The following ZC3H12B variants were observed in gnomAD, a reference collection of about 807,000 sequenced individuals.
ZC3H12B encodes probable ribonuclease ZC3H12B.
In ZC3H12B, 7 loss-of-function variants were observed where a neutral mutation model predicts 43.9. That is an observed-to-expected ratio of 0.16 (90% confidence interval 0.09 to 0.30). The LOEUF (loss-of-function observed/expected upper bound fraction) is 0.30. Ranked by LOEUF, ZC3H12B falls within the 10% of genes least tolerant of loss-of-function variation. ZC3H12B has a pLI of 1.00. For missense variants in ZC3H12B, 475 were observed against 670.2 expected, an observed-to-expected ratio of 0.71 and a Z score of 3.22; for synonymous variants, 222 against 241.7, an observed-to-expected ratio of 0.92 and a Z score of 0.76.
chrX:65,040,164 G>A, the ZC3H12B span, among the ~76,000 whole-genome samples: 274 of 111,090 alleles, frequency 2.5e-3, 1 homozygote, highest in African/African-American at 8.7e-3. Flanking sequence ...TGACATATGG[G>A]GGTGTGACAT....
At chrX:65,182,092 G>A in the ZC3H12B span, among the ~76,000 whole-genome samples, 1 of 111,668 alleles carries the variant, frequency 9.0e-6, no homozygotes, top group East Asian at 2.8e-4. Flanking sequence ...ATGAGTTCAT[G>A]TCTTTTGCCT....
At chrX:65,404,355 T>C in intron 3 of ZC3H12B, among the ~76,000 whole-genome samples, 1 of 89,189 alleles carries the variant, frequency 1.1e-5, no homozygotes, top group Non-Finnish European at 1.9e-5. Flanking sequence ...CAGGAGTAAG[T>C]CTTTATCAAT....
the ZC3H12B span, among the ~76,000 whole-genome samples, chrX:65,140,245 C>T: frequency 8.1e-5 from 9 of 110,565 alleles, no homozygotes; most frequent in African/African-American, 1.3e-4. Flanking sequence ...TCATATATGG[C>T]CTTTATTGTC....
chrX:65,039,637 A>G, the ZC3H12B span, among the ~76,000 whole-genome samples: 1 of 111,175 alleles, frequency 9.0e-6, no homozygotes, highest in Middle Eastern at 4.6e-3. Context: ...AAAGATATCT[A>G]TCTTTTTATA....
At chrX:65,389,290 C>T (rs2066577267) in intron 2 of ZC3H12B, among the ~76,000 whole-genome samples, 2 of 112,163 alleles carry the variant, frequency 1.8e-5, no homozygotes, top group South Asian at 3.7e-4. Flanking sequence ...CCACCCAGTT[C>T]GCGCTTCCCA....
chrX:65,273,132 T>C, the ZC3H12B span: 3 of 112,648 alleles, frequency 2.7e-5, no homozygotes, highest in Admixed American at 1.9e-4. Context: ...ATATTTTCTC[T>C]ATGAATTTCC....
the ZC3H12B span, among the ~76,000 whole-genome samples, chrX:65,196,367 CAGTA>C: frequency 9.0e-6 from 1 of 111,188 alleles, no homozygotes; most frequent in Admixed American, 9.6e-5. Flanking sequence ...AGTGAGTAAT[CAGTA>C]AGTCATTGGT....
intron 2 of ZC3H12B, among the ~76,000 whole-genome samples, chrX:65,389,618 T>A (rs1036721681): frequency 8.9e-6 from 1 of 112,612 alleles, no homozygotes; most frequent in Non-Finnish European, 1.9e-5. Flanking sequence ...CCGCTCATGC[T>A]TGGTGCACTG....
At chrX:65,172,419 G>C in the ZC3H12B span, among the ~76,000 whole-genome samples, 1 of 112,086 alleles carries the variant, frequency 8.9e-6, no homozygotes, top group East Asian at 2.8e-4. Flanking sequence ...CTGAGGAGAA[G>C]TGCTTTAGTT....
In ZC3H12B at chrX:65,449,815, G is replaced by A. The variant is rs182703751; in HGVS notation, n.408-38831G>A. Reference sequence around the variant, plus strand: ...GGAGCTAAGCTATGCATACACAAAGGCATATGGAGTGATATAATGGACTTT... The same window carrying A: ...GGAGCTAAGCTATGCATACACAAAGACATATGGAGTGATATAATGGACTTT... On this transcript the variant is annotated intron_variant and non_coding_transcript_variant, in intron 3 of 5. Coordinates refer to the ZC3H12B transcript ENST00000617377. 8.6e-4 allele frequency among the ~76,000 whole-genome samples: 95 copies of A among 110,380 alleles called. 1 individual carries two copies. The highest frequency in any genetic ancestry group is 5.1e-3 in the East Asian group (18 of 3,520).
the ZC3H12B span, among the ~76,000 whole-genome samples, chrX:65,241,902 G>T: frequency 9.0e-6 from 1 of 111,352 alleles, no homozygotes; most frequent in Non-Finnish European, 1.9e-5. Context: ...TGAAGCTAGA[G>T]TCAGAAAAAC....
the ZC3H12B span, among the ~76,000 whole-genome samples, chrX:65,153,715 C>G: frequency 2.7e-5 from 3 of 112,059 alleles, no homozygotes; most frequent in African/African-American, 9.8e-5. Flanking sequence ...TTTGACCCAT[C>G]CATCCCATTA....
the ZC3H12B span, among the ~76,000 whole-genome samples, chrX:65,251,157 G>C: frequency 3.6e-5 from 4 of 111,577 alleles, no homozygotes; most frequent in Admixed American, 3.8e-4. Flanking sequence ...TCTACATATG[G>C]CTAGCCAGTT....
intron 3 of ZC3H12B, among the ~76,000 whole-genome samples, chrX:65,464,839 T>C (rs2067797088): frequency 9.0e-6 from 1 of 111,436 alleles, no homozygotes. Flanking sequence ...TCAAAGTATT[T>C]TCTAATCTCC....
At chrX:65,381,915 A>G (rs2066446186) in intron 2 of ZC3H12B, among the ~76,000 whole-genome samples, 1 of 112,023 alleles carries the variant, frequency 8.9e-6, no homozygotes, top group Middle Eastern at 4.2e-3. Context: ...AAGAAGTTGA[A>G]TCTCTGAATA....
the ZC3H12B span, among the ~76,000 whole-genome samples, chrX:65,193,455 T>C: frequency 2.7e-5 from 3 of 111,862 alleles, no homozygotes; most frequent in Non-Finnish European, 3.8e-5. Flanking sequence ...CTAATAATCC[T>C]TTTACTTTCT....
the ZC3H12B span, among the ~76,000 whole-genome samples, chrX:65,115,798 A>T: frequency 9.0e-6 from 1 of 111,658 alleles, no homozygotes; most frequent in African/African-American, 3.2e-5. Context: ...CATCTCCCTG[A>T]TCATTAGTGA....
chrX:65,467,270 AG>A (rs1467979293), intron 3 of ZC3H12B, among the ~76,000 whole-genome samples: 1 of 109,799 alleles, frequency 9.1e-6, no homozygotes, highest in Non-Finnish European at 1.9e-5. Flanking sequence ...TTGCTGCAAA[AG>A]ACATTATTTT....
the ZC3H12B span, among the ~76,000 whole-genome samples, chrX:65,061,010 G>A: frequency 9.0e-6 from 1 of 111,427 alleles, no homozygotes; most frequent in African/African-American, 3.3e-5. Flanking sequence ...TATATATCTA[G>A]GAATTTGTCC....
Sources: gnomAD v4.1 joint callset for allele counts (sites outside exome capture counted in the v4.1 genomes callset) on GRCh38, gnomAD v4.1.1 for gene constraint, MANE v1.5 for transcripts, NCBI Gene and HGNC (gene_info 2026-07-23, HGNC 2026-07-21) for gene names.